The following PCNX2 variants were observed in gnomAD, a reference collection of about 807,000 sequenced individuals.
The protein encoded by PCNX2 is pecanex 2.
A neutral mutation model predicts 223.8 loss-of-function variants in PCNX2; 168 were observed. That is an observed-to-expected ratio of 0.75 (90% CI 0.66 to 0.85). The LOEUF is 0.85. PCNX2 is among the 40% of genes least tolerant of loss of function. The pLI, the probability that PCNX2 is intolerant of heterozygous loss-of-function variation, is 0.00. For missense variants in PCNX2, 2,507 were observed against 2,675.5 expected, an observed-to-expected ratio of 0.94 and a Z score of 1.39; for synonymous variants, 1,006 against 1,052.6, an observed-to-expected ratio of 0.96 and a Z score of 0.86.
intron 26 of PCNX2, among the ~76,000 whole-genome samples, chr1:233,021,740 G>C (rs1438496548): frequency 6.6e-6 from 1 of 152,170 alleles, no homozygotes; most frequent in Non-Finnish European, 1.5e-5. Flanking sequence ...ACAGAGTGGA[G>C]GGCATGGTTT....
At chr1:233,053,136 C>G (rs1672066722) in intron 25 of PCNX2, among the ~76,000 whole-genome samples, 1 of 152,044 alleles carries the variant, frequency 6.6e-6, no homozygotes, top group Non-Finnish European at 1.5e-5. Context: ...ACATGGTTCC[C>G]CATAACATAG....
At chr1:233,134,539 G>C (rs1357637650) in intron 21 of PCNX2, among the ~76,000 whole-genome samples, 1 of 151,090 alleles carries the variant, frequency 6.6e-6, no homozygotes, top group Non-Finnish European at 1.5e-5. Flanking sequence ...AGAGGAAAAA[G>C]AAAAGAAAAC....
chr1:233,075,918 A>G (rs756335898), intron 23 of PCNX2, among the ~76,000 whole-genome samples: 9 of 152,202 alleles, frequency 5.9e-5, no homozygotes, highest in Non-Finnish European at 1.3e-4. Context: ...ATGAACTTCA[A>G]CTATTCATTC....
At chr1:233,272,972 CA>C (rs2103011629) in intron 1 of PCNX2, among the ~76,000 whole-genome samples, 1 of 151,892 alleles carries the variant, frequency 6.6e-6, no homozygotes, top group Admixed American at 6.6e-5. Flanking sequence ...AAGAATGATA[CA>C]ATAGACTCTG....
At chr1:233,240,167 C>T (rs1034248230) in intron 8 of PCNX2, among the ~76,000 whole-genome samples, 5 of 152,074 alleles carry the variant, frequency 3.3e-5, no homozygotes, top group Non-Finnish European at 7.4e-5. Context: ...TCTCTGGTGT[C>T]CTGATAGTGT....
chr1:233,013,351 C>T (rs1386972350), intron 28 of PCNX2, among the ~76,000 whole-genome samples: 1 of 152,152 alleles, frequency 6.6e-6, no homozygotes, highest in Non-Finnish European at 1.5e-5. Context: ...AAATGAAAAG[C>T]GCTGCCAGCC....
At chr1:233,224,317 T>C (rs1657567579) in intron 10 of PCNX2, among the ~76,000 whole-genome samples, 1 of 151,958 alleles carries the variant, frequency 6.6e-6, no homozygotes, top group Non-Finnish European at 1.5e-5. Context: ...AACATCTGAG[T>C]AGAATAGGTG....
intron 23 of PCNX2, among the ~76,000 whole-genome samples, chr1:233,083,797 T>C (rs1465523087): frequency 6.6e-6 from 1 of 152,068 alleles, no homozygotes; most frequent in Non-Finnish European, 1.5e-5. Flanking sequence ...AAAAATAATA[T>C]TTATAGGGCA....
intron 21 of PCNX2, among the ~76,000 whole-genome samples, chr1:233,127,347 T>C (rs1676163501): frequency 6.6e-6 from 1 of 152,092 alleles, no homozygotes; most frequent in African/African-American, 2.4e-5. Flanking sequence ...ATGTGCCAAC[T>C]CCTCTCTTGC....
chr1:233,000,050 C>T lies in PCNX2; in HGVS notation c.5328+255G>A, dbSNP rs1213269024. Among the ~76,000 whole-genome samples, 1 of 152,190 alleles carries T rather than the reference C, an allele frequency of 6.6e-6. No individual in the cohort carries two copies. Among genetic ancestry groups the T allele is most frequent in the African/African-American group, 2.4e-5 (1 of 41,438 alleles). On this transcript the variant is annotated intron_variant, in intron 30 of 33. Coordinates refer to ENST00000258229, the MANE Select transcript of PCNX2 (RefSeq NM_014801.4). The surrounding 1 kb of genome is among the most constrained non-coding windows in gnomAD (Gnocchi z 4.6). ...TCACTTACATGTGTGTCTACTGGGT[C>T]TTCTTGGCAAAGTCTGTGTCTGTGT... is the stretch of plus-strand genomic sequence containing the variant.
At chr1:233,112,461 C>A (rs1675166862) in intron 21 of PCNX2, among the ~76,000 whole-genome samples, 1 of 152,214 alleles carries the variant, frequency 6.6e-6, no homozygotes, top group Admixed American at 6.5e-5. Context: ...GTCTTGAATT[C>A]CTGAAGCCAC....
At chr1:233,211,799 G>A (rs1222756659) in intron 12 of PCNX2, 4 of 985,218 alleles carry the variant, frequency 4.1e-6, no homozygotes, top group East Asian at 1.1e-4. Flanking sequence ...TTTAAACACA[G>A]AATGTGAACA....
intron 21 of PCNX2, among the ~76,000 whole-genome samples, chr1:233,125,440 A>G (rs527608059): frequency 2.0e-5 from 3 of 152,178 alleles, no homozygotes; most frequent in Non-Finnish European, 2.9e-5. Context: ...CCGGCGGTCT[A>G]TGCTTCTAAA....
intron 21 of PCNX2, among the ~76,000 whole-genome samples, chr1:233,133,453 A>G (rs1676622926): frequency 6.6e-6 from 1 of 152,214 alleles, no homozygotes; most frequent in Admixed American, 6.5e-5. Context: ...AGGGTCTACA[A>G]TAAAATACAG....
chr1:233,233,617 C>G (rs1409806644), intron 9 of PCNX2, among the ~76,000 whole-genome samples: 1 of 152,084 alleles, frequency 6.6e-6, no homozygotes, highest in Admixed American at 6.6e-5. Flanking sequence ...ACCTCCTGAC[C>G]ACCCGCCCAT....
chr1:233,089,757 G>T, intron 23 of PCNX2: 1 of 595,214 alleles, frequency 1.7e-6, no homozygotes, highest in Non-Finnish European at 2.3e-6. Context: ...CATTAACAGT[G>T]GCTTGTACCT....
At chr1:233,160,139 A>C (rs1678376994) in intron 19 of PCNX2, 144 bp downstream of exon 19, 1 of 859,252 alleles carries the variant, frequency 1.2e-6, no homozygotes, top group Non-Finnish European at 1.7e-6. Context: ...TATTGTGGTA[A>C]AATACACATA....
intron 19 of PCNX2, among the ~76,000 whole-genome samples, chr1:233,151,656 C>T (rs1394698407): frequency 6.6e-6 from 1 of 151,996 alleles, no homozygotes; most frequent in African/African-American, 2.4e-5. Flanking sequence ...TGTCCCAAGT[C>T]CTGTCTTTCT....
intron 22 of PCNX2, among the ~76,000 whole-genome samples, chr1:233,092,942 G>C (rs1247508729): frequency 2.0e-5 from 3 of 152,084 alleles, no homozygotes; most frequent in East Asian, 3.9e-4. Flanking sequence ...GGGTACACAG[G>C]CGCCCACTAC....
Sources: allele counts gnomAD v4.1 joint callset (sites outside exome capture counted in the v4.1 genomes callset), GRCh38; gene constraint gnomAD v4.1.1; non-coding constraint Gnocchi (gnomAD v3.1); transcripts MANE v1.5; gene names NCBI Gene and HGNC (gene_info 2026-07-23, HGNC 2026-07-21).